The following RIIAD1 variants were observed in gnomAD, a reference collection of about 807,000 sequenced individuals.
RIIAD1 encodes the protein regulatory subunit of type II PKA R-subunit domain containing 1.
Under a neutral mutation model 13.3 loss-of-function variants are expected in RIIAD1, and 15 were observed. The ratio of observed to expected loss-of-function variants is 1.13; its 90% confidence interval spans 0.76 to 1.74. The LOEUF is 1.74. RIIAD1 is among the 40% of genes most tolerant of loss of function. The pLI is 0.00. For synonymous variants in RIIAD1, 50 were observed against 43.3 expected (o/e 1.16, Z -0.61); for missense variants, 121 against 112.2 (o/e 1.08, Z -0.35).
At position 151,727,640 on chromosome 1, in the gene RIIAD1, G is replaced by GT. The variant is rs1156911754; in HGVS notation, c.208+23dup. 6 of 1,532,318 alleles carry GT rather than the reference G, an allele frequency of 3.9e-6. No homozygotes were observed. Among genetic ancestry groups the GT allele is most frequent in the Non-Finnish European group, 5.3e-6 (6 of 1,129,546 alleles). The allele number at this position is 1,532,318 out of a possible 1,614,324, so 94.9% of individuals were successfully genotyped here. ...GCTGCAGGTGAGTAAGGCAGCGTCG[G>GT]TTTTGGGTATCTGACAAAGCCAGCG... On this transcript the variant is annotated intron_variant, in intron 3 of 4. Coordinates refer to ENST00000479191, the MANE Select transcript of RIIAD1 (RefSeq NM_001144956.3).
chr1:151,723,470 G>C (rs567514982), intron 2 of RIIAD1, among the ~76,000 whole-genome samples: 1 of 151,910 alleles, frequency 6.6e-6, no homozygotes, highest in Admixed American at 6.6e-5. Flanking sequence ...GAGGCTGAGA[G>C]GGGTGGATCA....
At chr1:151,714,803 G>A in intron 4 of RIIAD1, 1 of 704,532 alleles carries the variant, frequency 1.4e-6, no homozygotes, top group Non-Finnish European at 2.5e-6. Context: ...TGCCTGCTGG[G>A]GTAGAGAGGT....
upstream of RIIAD1, chr1:151,716,859 T>G (rs1453994457): frequency 6.6e-6 from 3 of 452,412 alleles, no homozygotes; most frequent in African/African-American, 4.1e-5. Flanking sequence ...ACATCAGTGA[T>G]GTCAGTCTCA....
chr1:151,726,406 A>G (rs1673829891), intron 2 of RIIAD1, among the ~76,000 whole-genome samples: 1 of 152,212 alleles, frequency 6.6e-6, no homozygotes, highest in Non-Finnish European at 1.5e-5. Flanking sequence ...TAGTGCAATT[A>G]CTTGCACATA....
chr1:151,728,589 G>T, intron 3 of RIIAD1, 177 bp from the exon 4 acceptor site: 1 of 583,078 alleles, frequency 1.7e-6, no homozygotes, highest in Non-Finnish European at 3.1e-6. Flanking sequence ...AGAACTGCTC[G>T]GGTGGGGGCA....
chr1:151,721,678 G>A, intron 1 of RIIAD1, 58 bp downstream of exon 1: 3 of 1,105,388 alleles, frequency 2.7e-6, no homozygotes, highest in African/African-American at 1.6e-5. Context: ...CCCAGGACTG[G>A]GGCCCCAGAC....
At position 151,723,255 on chromosome 1, in the gene RIIAD1, G is replaced by A. The variant is rs999880943; in HGVS notation, c.161+1093G>A. Among the ~76,000 whole-genome samples, 11 of 152,108 alleles carry A rather than the reference G, an allele frequency of 7.2e-5. 1 individual carries two copies. The East Asian group carries it at 7.7e-4, about 11-fold the overall frequency. ...ACTAAAAATACAAAATTAGCCAGGC[G>A]TGGTGGCACATGCCTGTAATCCCAG... On this transcript the variant is annotated intron_variant, in intron 2 of 4. Coordinates refer to ENST00000479191, the MANE Select transcript of RIIAD1 (RefSeq NM_001144956.3).
intron 2 of RIIAD1, among the ~76,000 whole-genome samples, chr1:151,725,519 T>C (rs1214668039): frequency 6.6e-6 from 1 of 152,194 alleles, no homozygotes; most frequent in Non-Finnish European, 1.5e-5. Context: ...CTGGATGAAC[T>C]GTCAGAGGGT....
At chr1:151,715,519 C>A (rs888460660) in intron 4 of RIIAD1, 6 of 861,256 alleles carry the variant, frequency 7.0e-6, no homozygotes, top group Non-Finnish European at 1.0e-5. Context: ...TCTTGCTGCA[C>A]ACGCACACAC....
rs1029257901 is a variant in RIIAD1, at chr1:151,721,576, G to C, written c.40G>C (p.Gly14Arg). Residue 14 changes from glycine (G) to arginine (R), a missense_variant, in exon 1 of 5, where the codon GGG becomes CGG. Physicochemically the swap from Gly to Arg is moderately radical, Grantham distance 125. Coordinates refer to ENST00000479191, the MANE Select transcript of RIIAD1 (RefSeq NM_001144956.3). ...AGGCTTGCTGCAGCGGCCCGACCCCGGGGCGCTTAGCGCAGCGCAGCTGGA... is the reference window on the plus strand; with the variant it reads ...AGGCTTGCTGCAGCGGCCCGACCCCCGGGCGCTTAGCGCAGCGCAGCTGGA... ...LPGLLQRPDP[G>R]ALSAAQLEQL... is the part of the protein sequence containing the mutation. 3.0e-6 allele frequency: 4 copies of C among 1,320,428 alleles called. No individual in the cohort carries two copies. The highest frequency in any genetic ancestry group is 6.3e-5 in the East Asian group (2 of 31,994). 81.8% of individuals were successfully genotyped at this position (1,320,428 alleles called of 1,614,324 possible). A position where few individuals can be genotyped will look rare whatever the true frequency, so the allele number is the denominator to read the frequency against.
chr1:151,712,898 C>A (rs112998982), intron 2 of RIIAD1, among the ~76,000 whole-genome samples: 2 of 152,066 alleles, frequency 1.3e-5, no homozygotes, highest in Admixed American at 1.3e-4. Flanking sequence ...CACACACATG[C>A]GTGTGCATGC....
At position 151,713,239 on chromosome 1, in the gene RIIAD1, C is replaced by A. The variant is rs575186199; in HGVS notation, c.-185-230C>A. 3.1e-4 allele frequency among the ~76,000 whole-genome samples: 47 copies of A among 152,342 alleles called. No individual in the cohort carries two copies. In the South Asian group the frequency reaches 9.5e-3, roughly 31 times the overall value. On this transcript the variant is annotated intron_variant, in intron 2 of 8. Transcript: ENST00000326413. ...ACCAGGCGCCCTTCTTCCTCACCCC[C>A]ACCCTGGGCTGGACTTCCTCAAGAA...
At chr1:151,726,248 A>G (rs191622174) in intron 2 of RIIAD1, among the ~76,000 whole-genome samples, 1 of 152,318 alleles carries the variant, frequency 6.6e-6, no homozygotes, top group Non-Finnish European at 1.5e-5. Context: ...CTCCCAGAGC[A>G]CTATTTAATA....
chr1:151,723,182 G>T (rs941385132), intron 2 of RIIAD1, among the ~76,000 whole-genome samples: 4 of 152,102 alleles, frequency 2.6e-5, no homozygotes, highest in African/African-American at 9.7e-5. Flanking sequence ...ATCACCTGAG[G>T]TCGGGAGTTC....
chr1:151,722,152 G>GGTTT lies in RIIAD1; in HGVS notation c.152_155dup (p.Phe52LeufsTer37). 1 of 1,549,286 alleles carries GGTTT rather than the reference G, an allele frequency of 6.5e-7. No homozygotes were observed. The highest frequency in any genetic ancestry group is 8.7e-7 in the Non-Finnish European group (1 of 1,144,856). ...CAAAGAAGTAGAGTGGCTCATAAGTGGTTTCTTCAGGTAGGTGGTTTTCCA... is the reference window on the plus strand; with the variant it reads ...CAAAGAAGTAGAGTGGCTCATAAGTGGTTTGTTTCTTCAGGTAGGTGGTTTTCCA... On this transcript the variant is annotated frameshift_variant, in exon 2 of 5. Transcript: ENST00000479191. LOFTEE classifies it high-confidence loss of function.
chr1:151,712,931 A>G (rs1673147695), intron 2 of RIIAD1, among the ~76,000 whole-genome samples: 1 of 152,132 alleles, frequency 6.6e-6, no homozygotes, highest in Non-Finnish European at 1.5e-5. Flanking sequence ...GCATGCACAC[A>G]CACACTGCAT....
chr1:151,718,291 T>C (rs201713890), upstream of RIIAD1, among the ~76,000 whole-genome samples: 20 of 151,896 alleles, frequency 1.3e-4, no homozygotes, highest in East Asian at 1.2e-3. Flanking sequence ...TGATGTAGAT[T>C]TTGTCATCTC....
In RIIAD1 at chr1:151,724,496, C is replaced by T. The variant is rs975028994; in HGVS notation, c.161+2334C>T. ...GAAGTGAGGGCAGAGTCCTGAGCAC[C>T]GTGCCTGTCCTTGTCTGTTCTGCAG... On this transcript the variant is annotated intron_variant, in intron 2 of 4. Transcript: ENST00000479191. Among the ~76,000 whole-genome samples, 5 of 152,040 alleles carry T rather than the reference C, an allele frequency of 3.3e-5. No homozygotes were observed. In the South Asian group the frequency reaches 6.2e-4, roughly 19 times the overall value.
At chr1:151,716,484 AG>A in intron 4 of RIIAD1, 1 of 306,070 alleles carries the variant, frequency 3.3e-6, no homozygotes, top group Non-Finnish European at 6.5e-6. Context: ...AGCGTCAGTA[AG>A]GGGGGCCCAC....
Sources: allele counts gnomAD v4.1 joint callset (sites outside exome capture counted in the v4.1 genomes callset), GRCh38; gene constraint gnomAD v4.1.1; transcripts MANE v1.5; gene names NCBI Gene and HGNC (gene_info 2026-07-23, HGNC 2026-07-21).